Variants in QRSL1 observed in about 807,000 individuals in gnomAD.
QRSL1 encodes glutamyl-tRNA(Gln) amidotransferase subunit A, mitochondrial.
A neutral mutation model predicts 61.6 loss-of-function variants in QRSL1; 54 were observed. The observed-to-expected ratio is 0.88, with a 90% CI of 0.70 to 1.10. QRSL1 has a LOEUF of 1.10. Ranked by LOEUF, QRSL1 falls within the 50% of genes least tolerant of loss-of-function variation. QRSL1 has a pLI of 0.00. For missense variants in QRSL1, 505 were observed against 622.6 expected (o/e 0.81, Z 2.01); for synonymous variants, 228 against 225.7 (o/e 1.01, Z -0.09).
At chr6:106,659,940 A>C (rs953302401) in intron 9 of QRSL1, among the ~76,000 whole-genome samples, 3 of 152,148 alleles carry the variant, frequency 2.0e-5, no homozygotes, top group African/African-American at 7.2e-5. Flanking sequence ...ATTTCTTCTC[A>C]TGCACTCATA....
In QRSL1 at chr6:106,654,612, G is replaced by C. The variant is rs1489667118; in HGVS notation, c.850-118G>C. 1.8e-5 allele frequency: 15 copies of C among 827,674 alleles called. No homozygotes were observed. The Admixed American group carries it at 4.7e-4, about 26-fold the overall frequency. 51.3% of individuals were successfully genotyped at this position (827,674 alleles called of 1,614,324 possible). A position where few individuals can be genotyped will look rare whatever the true frequency, so the allele number is the denominator to read the frequency against. On this transcript the variant is annotated intron_variant, in intron 7 of 10. Coordinates refer to ENST00000369046, the MANE Select transcript of QRSL1 (RefSeq NM_018292.5). ...CAGCAATTTTATCCTATTTTCTAAT[G>C]TATTACCAAAGGTCCTGAAGTACAG...
intron 3 of QRSL1, chr6:106,642,501 G>GT: frequency 1.4e-6 from 1 of 693,166 alleles, no homozygotes; most frequent in Admixed American, 1.8e-5. Flanking sequence ...CCCAATATGT[G>GT]TTTTCTAGGC....
chr6:106,652,892 G>A, intron 7 of QRSL1: 1 of 744,314 alleles, frequency 1.3e-6, no homozygotes, highest in South Asian at 2.2e-5. Context: ...TATCATAACT[G>A]CTTAACTGCC....
At chr6:106,644,994 G>T (rs1231906945) in intron 4 of QRSL1, among the ~76,000 whole-genome samples, 2 of 152,084 alleles carry the variant, frequency 1.3e-5, no homozygotes, top group Non-Finnish European at 2.9e-5. Flanking sequence ...TAATAAAAAA[G>T]ATTATCCTTT....
chr6:106,663,133 C>T lies in QRSL1; in HGVS notation c.1314C>T (p.Asn438=). ...VPYLEFIKED[N]RTRSAQDDIF... ...ACTTGGAGTTCATCAAAGAGGACAA[C>T]AGAACCCGAAGTGCCCAGGATGATA... The change falls in exon 10 of 11, where the codon AAC becomes AAT. Residue 438 remains asparagine (N), a synonymous_variant. Coordinates refer to ENST00000369046, the MANE Select transcript of QRSL1 (RefSeq NM_018292.5). 1 of 1,614,198 alleles carries T rather than the reference C, an allele frequency of 6.2e-7. No individual in the cohort carries two copies. The highest frequency in any genetic ancestry group is 8.5e-7 in the Non-Finnish European group (1 of 1,180,028).
chr6:106,638,769 T>G (rs1394375696), intron 1 of QRSL1, among the ~76,000 whole-genome samples: 1 of 152,204 alleles, frequency 6.6e-6, no homozygotes, highest in Non-Finnish European at 1.5e-5. Flanking sequence ...GGGATCCTCT[T>G]GATGACCTCT....
At chr6:106,656,879 A>G (rs1445130137) in intron 9 of QRSL1, among the ~76,000 whole-genome samples, 1 of 152,002 alleles carries the variant, frequency 6.6e-6, no homozygotes, top group African/African-American at 2.4e-5. Context: ...CTGATCTCCA[A>G]CTCCTGGGTT....
intron 5 of QRSL1, among the ~76,000 whole-genome samples, chr6:106,650,251 T>A (rs1777171454): frequency 6.6e-6 from 1 of 152,234 alleles, no homozygotes; most frequent in Admixed American, 6.5e-5. Context: ...TATGGAAATG[T>A]AAGTTTTACT....
rs1777438565 is a variant in QRSL1, at chr6:106,666,608, ACTT to A, written c.*609_*611del. The A allele has an allele frequency of 6.5e-6, 1 of 153,700 alleles. No individual in the cohort carries two copies. The highest frequency in any genetic ancestry group is 2.4e-5 in the African/African-American group (1 of 41,470). The allele number at this position is 153,700 out of a possible 1,614,324, so 9.5% of individuals were successfully genotyped here. A position where few individuals can be genotyped will look rare whatever the true frequency, so the allele number is the denominator to read the frequency against. On this transcript the variant is annotated 3_prime_UTR_variant, in exon 11 of 11. Transcript: ENST00000369046. ...ACAGTAAAAATAAGATTAGGGATAA[ACTT>A]CTCAAAAATTGTACATCTGTGTAAC... is the stretch of plus-strand genomic sequence containing the variant.
At chr6:106,655,582 T>G in intron 8 of QRSL1, 33 bp from the exon 9 acceptor site, 1 of 1,425,210 alleles carries the variant, frequency 7.0e-7, no homozygotes, top group South Asian at 1.2e-5. Context: ...TTTACTTCCT[T>G]TCAAGTAATG....
intron 1 of QRSL1, among the ~76,000 whole-genome samples, chr6:106,631,662 T>TAA (rs145282816): frequency 7.3e-5 from 11 of 151,618 alleles, no homozygotes; most frequent in East Asian, 5.8e-4. Context: ...ATGATTGTTT[T>TAA]TAAAAAAAAA....
At chr6:106,632,611 C>G (rs1776856407) in intron 1 of QRSL1, among the ~76,000 whole-genome samples, 2 of 152,184 alleles carry the variant, frequency 1.3e-5, no homozygotes, top group South Asian at 4.1e-4. Flanking sequence ...CCATCCTCAC[C>G]AGCATTCATT....
intron 1 of QRSL1, among the ~76,000 whole-genome samples, chr6:106,635,313 G>C (rs1346168988): frequency 6.6e-6 from 1 of 152,170 alleles, no homozygotes. Flanking sequence ...ATGGTGTCCT[G>C]AACACAGAGA....
intron 8 of QRSL1, 31 bp from the exon 9 acceptor site, chr6:106,655,584 C>G (rs200414355): frequency 3.4e-5 from 46 of 1,364,988 alleles, no homozygotes; most frequent in Non-Finnish European, 4.5e-5. Flanking sequence ...TACTTCCTTT[C>G]AAGTAATGTT....
At chr6:106,630,502 G>C (rs1365653258) in intron 1 of QRSL1, among the ~76,000 whole-genome samples, 2 of 151,980 alleles carry the variant, frequency 1.3e-5, no homozygotes, top group East Asian at 3.9e-4. Flanking sequence ...GCCCTCTTAC[G>C]TTATTTCTGC....
intron 2 of QRSL1, 95 bp from the exon 3 acceptor site, chr6:106,640,728 T>G: frequency 8.4e-7 from 1 of 1,188,680 alleles, no homozygotes; most frequent in South Asian, 1.4e-5. Flanking sequence ...AGAAGTATCT[T>G]TGCCAAAAAC....
chr6:106,640,416 T>A lies in QRSL1; in HGVS notation c.92T>A (p.Ile31Asn). 2 of 1,612,524 alleles carry A rather than the reference T, an allele frequency of 1.2e-6. No homozygotes were observed. The highest frequency in any genetic ancestry group is 1.7e-6 in the Non-Finnish European group (2 of 1,179,078). ...CTCTGTCAAAAATGTCTCTCTCTTA[T>A]CAAGAAGACCAAGTTTCTAAATGCC... ...TELCQKCLSL[I>N]KKTKFLNAYI... Residue 31 changes from isoleucine to asparagine, a missense_variant, in exon 2 of 11, where the codon ATC becomes AAC. Ile to Asn is a moderately radical substitution (Grantham distance 149, BLOSUM62 -3). Coordinates refer to ENST00000369046, the MANE Select transcript of QRSL1 (RefSeq NM_018292.5).
chr6:106,662,332 T>C (rs1777370294), intron 9 of QRSL1, among the ~76,000 whole-genome samples: 1 of 152,154 alleles, frequency 6.6e-6, no homozygotes, highest in African/African-American at 2.4e-5. Context: ...TATTTTGAGA[T>C]TATAAGTGTA....
At chr6:106,657,204 G>A (rs1777284347) in intron 9 of QRSL1, among the ~76,000 whole-genome samples, 1 of 152,098 alleles carries the variant, frequency 6.6e-6, no homozygotes, top group Non-Finnish European at 1.5e-5. Flanking sequence ...GGGAGGCAGA[G>A]GTTGCAGTGA....
Sources: allele counts gnomAD v4.1 joint callset (sites outside exome capture counted in the v4.1 genomes callset), GRCh38; gene constraint gnomAD v4.1.1; transcripts MANE v1.5; gene names NCBI Gene and HGNC (gene_info 2026-07-23, HGNC 2026-07-21).